Variants in MEIS2 observed in about 807,000 individuals in gnomAD.
The protein encoded by MEIS2 is Meis homeobox 2.
Under a neutral mutation model 58.6 loss-of-function variants are expected in MEIS2, and 9 were observed. That is an observed-to-expected ratio of 0.15 (90% CI 0.09 to 0.27). The LOEUF (loss-of-function observed/expected upper bound fraction) is 0.27, where lower values mean the gene tolerates loss of function less well. Among genes scored for constraint, MEIS2 ranks in the 10% least tolerant of loss-of-function variants. The pLI, the probability that MEIS2 is intolerant of heterozygous loss-of-function variation, is 1.00. For missense variants in MEIS2, 427 were observed against 635.0 expected (o/e 0.67, Z 3.52); for synonymous variants, 221 against 228.4 (o/e 0.97, Z 0.29).
chr15:37,093,505 G>A, intron 6 of MEIS2, 76 bp downstream of exon 6: 1 of 1,533,658 alleles, frequency 6.5e-7, no homozygotes, highest in Non-Finnish European at 8.9e-7. Context: ...AATCAGTGGA[G>A]CTAGATGTTA....
At chr15:36,919,326 C>A (rs62002399) in intron 9 of MEIS2, among the ~76,000 whole-genome samples, 9,143 of 151,980 alleles carry the variant, frequency 0.06, 496 homozygotes, top group East Asian at 0.25. Context: ...CACCTGTAAC[C>A]CCAGCACTTT....
intron 8 of MEIS2, among the ~76,000 whole-genome samples, chr15:36,959,755 A>G (rs1327779820): frequency 1.3e-5 from 2 of 152,230 alleles, no homozygotes; most frequent in East Asian, 3.8e-4. Context: ...ACAATGACAC[A>G]CTATGGAAAA....
intron 7 of MEIS2, among the ~76,000 whole-genome samples, chr15:37,069,652 G>T (rs1232390533): frequency 6.6e-6 from 1 of 152,132 alleles, no homozygotes; most frequent in Non-Finnish European, 1.5e-5. Context: ...AACCAAGAGG[G>T]ACTGTAATTC....
In MEIS2 at chr15:36,890,818, A is replaced by G. The variant is rs1424609186; in HGVS notation, c.*1355T>C. 2.0e-5 allele frequency: 3 copies of G among 152,188 alleles called. No individual in the cohort carries two copies. Among genetic ancestry groups the G allele is most frequent in the African/African-American group, 4.8e-5 (2 of 41,448 alleles). 9.4% of individuals were successfully genotyped at this position (152,188 alleles called of 1,614,324 possible). ...GATCTTTCAACCTGGCTCATCATGT[A>G]CACATAGTTTCGTACCTTTAGAAGT... On this transcript the variant is annotated 3_prime_UTR_variant, in exon 12 of 12. Transcript: ENST00000561208.
At chr15:37,044,516 A>G (rs1443194941) in intron 7 of MEIS2, among the ~76,000 whole-genome samples, 4 of 152,202 alleles carry the variant, frequency 2.6e-5, no homozygotes, top group African/African-American at 9.6e-5. Context: ...GCTGAATTTT[A>G]AAGACTTTTC....
chr15:36,921,567 TCTC>T (rs1349570600), intron 9 of MEIS2, among the ~76,000 whole-genome samples: 2 of 152,198 alleles, frequency 1.3e-5, no homozygotes, highest in African/African-American at 2.4e-5. Flanking sequence ...CGGTCTGTCT[TCTC>T]CTGATCCAAA....
chr15:37,033,596 G>T (rs2062021680), intron 8 of MEIS2, among the ~76,000 whole-genome samples: 1 of 152,278 alleles, frequency 6.6e-6, no homozygotes, highest in South Asian at 2.1e-4. Flanking sequence ...CACTTGTAAA[G>T]AAATTTACAT....
intron 7 of MEIS2, among the ~76,000 whole-genome samples, chr15:37,057,456 TCACA>T (rs1263018869): frequency 6.6e-6 from 1 of 152,164 alleles, no homozygotes; most frequent in Non-Finnish European, 1.5e-5. Context: ...CTTTGTGCTG[TCACA>T]CACAAAGTCG....
At position 36,920,920 on chromosome 15, in the gene MEIS2, G is replaced by A. The variant is rs78448408; in HGVS notation, c.978-24234C>T. Among the ~76,000 whole-genome samples the A allele has an allele frequency of 6.2e-3, 940 of 152,184 alleles. 10 individuals carry two copies. The highest frequency in any genetic ancestry group is 0.022 in the African/African-American group (903 of 41,528). ...TGAAATTTAACCAGCGCTCACGGCC[G>A]GGAGGTAACAGATCTTGTTTTCTAT... On this transcript the variant is annotated intron_variant, in intron 9 of 11. Transcript: ENST00000561208.
intron 9 of MEIS2, among the ~76,000 whole-genome samples, chr15:36,906,651 G>GAAAAAAAAAA (rs56715244): frequency 1.0e-5 from 1 of 96,554 alleles, no homozygotes; most frequent in Non-Finnish European, 2.1e-5. Context: ...AGCCACTCAA[G>GAAAAAAAAAA]AAAAAAAAAA....
Position 37,099,701 on chromosome 15 carries a change from C to A in MEIS2, c.-235G>T. On this transcript the variant is annotated 5_prime_UTR_variant, in exon 1 of 12. Coordinates refer to ENST00000561208, the MANE Select transcript of MEIS2 (RefSeq NM_170675.5). ...CTTTTTTCCTCTTCTTCCTCCTCCT[C>A]CTGATCTTCCTCCTCCTCCTCCACC... The A allele has an allele frequency of 2.0e-6, 1 of 493,730 alleles. No individual in the cohort carries two copies. Among genetic ancestry groups the A allele is most frequent in the South Asian group, 3.2e-5 (1 of 31,352 alleles). 30.6% of individuals were successfully genotyped at this position (493,730 alleles called of 1,614,324 possible). A position where few individuals can be genotyped will look rare whatever the true frequency, so the allele number is the denominator to read the frequency against.
chr15:36,973,064 A>T (rs866514671), intron 8 of MEIS2, among the ~76,000 whole-genome samples: 5 of 152,208 alleles, frequency 3.3e-5, no homozygotes, highest in Admixed American at 2.6e-4. Flanking sequence ...TTTAGTTTCC[A>T]CTTGGCCATC....
intron 8 of MEIS2, among the ~76,000 whole-genome samples, chr15:37,018,284 C>T (rs2061415509): frequency 6.6e-6 from 1 of 152,166 alleles, no homozygotes; most frequent in Admixed American, 6.5e-5. Flanking sequence ...GAAACAATTA[C>T]TGGACCTTGC....
chr15:36,951,481 T>C lies in MEIS2; in HGVS notation c.901-1081A>G, dbSNP rs185192258. Among the ~76,000 whole-genome samples, 17 of 152,264 alleles carry C rather than the reference T, an allele frequency of 1.1e-4. No individual in the cohort carries two copies. In the East Asian group the frequency reaches 2.3e-3, roughly 21 times the overall value. On this transcript the variant is annotated intron_variant, in intron 8 of 11. Coordinates refer to ENST00000561208, the MANE Select transcript of MEIS2 (RefSeq NM_170675.5). ...ATTCCATTCAGAATATTCTAATCAT[T>C]CCAGTATTTGAGAGAGTGAATGTTT...
At chr15:37,067,730 C>T (rs1297149550) in intron 7 of MEIS2, among the ~76,000 whole-genome samples, 1 of 152,056 alleles carries the variant, frequency 6.6e-6, no homozygotes, top group Non-Finnish European at 1.5e-5. Flanking sequence ...TGCTCCAAAC[C>T]CTGCCCATGT....
At chr15:37,001,483 A>T (rs1279167375) in intron 8 of MEIS2, among the ~76,000 whole-genome samples, 2 of 152,116 alleles carry the variant, frequency 1.3e-5, no homozygotes, top group African/African-American at 4.8e-5. Context: ...TGGCATTCTA[A>T]TATAGTCAGG....
At chr15:37,055,511 G>A (rs1366054877) in intron 7 of MEIS2, among the ~76,000 whole-genome samples, 5 of 152,052 alleles carry the variant, frequency 3.3e-5, no homozygotes, top group Admixed American at 2.6e-4. Context: ...ACTCGACTTC[G>A]GAAACCTTCC....
chr15:37,009,060 C>A (rs372684835), intron 8 of MEIS2, among the ~76,000 whole-genome samples: 1 of 152,058 alleles, frequency 6.6e-6, no homozygotes, highest in African/African-American at 2.4e-5. Flanking sequence ...GAGGCCGAGG[C>A]GGGCAGATCA....
chr15:36,927,270 G>A (rs1478338093), intron 9 of MEIS2, among the ~76,000 whole-genome samples: 3 of 152,120 alleles, frequency 2.0e-5, no homozygotes, highest in African/African-American at 7.2e-5. Flanking sequence ...GGGGTCTGAT[G>A]TAAGGGAGCA....
Sources: allele counts gnomAD v4.1 joint callset (sites outside exome capture counted in the v4.1 genomes callset), GRCh38; gene constraint gnomAD v4.1.1; transcripts MANE v1.5; gene names NCBI Gene and HGNC (gene_info 2026-07-23, HGNC 2026-07-21).